GLI2: variants seen among roughly 807,000 people sequenced by gnomAD.
GLI2 encodes transcription activator GLI2.
A neutral mutation model predicts 78.9 loss-of-function variants in GLI2; 22 were observed. The observed-to-expected ratio is 0.28, with a 90% CI of 0.20 to 0.40. The LOEUF (loss-of-function observed/expected upper bound fraction) is 0.40. Among genes scored for constraint, GLI2 ranks in the 10% least tolerant of loss-of-function variants. The pLI is 1.00. For synonymous variants in GLI2, 974 were observed against 963.7 expected (o/e 1.01, Z -0.20); for missense variants, 2,097 against 2,213.2 (o/e 0.95, Z 1.05).
intron 2 of GLI2, among the ~76,000 whole-genome samples, chr2:120,899,842 G>A (rs1244295273): frequency 6.6e-6 from 1 of 152,236 alleles, no homozygotes; most frequent in Non-Finnish European, 1.5e-5. Flanking sequence ...CAAGCCAGGT[G>A]TGGACCTGCA....
intron 2 of GLI2, among the ~76,000 whole-genome samples, chr2:120,811,626 G>A (rs1320747776): frequency 6.6e-6 from 1 of 152,162 alleles, no homozygotes. Context: ...GAGAGGTGCA[G>A]TTGGAAAGGG....
At chr2:120,772,306 C>T (rs1683543590) in intron 1 of GLI2, among the ~76,000 whole-genome samples, 1 of 152,124 alleles carries the variant, frequency 6.6e-6, no homozygotes, top group African/African-American at 2.4e-5. Context: ...AGGAGCCTTC[C>T]CTCCCCATCT....
At chr2:120,932,857 C>A (rs1415350669) in intron 3 of GLI2, among the ~76,000 whole-genome samples, 1 of 152,132 alleles carries the variant, frequency 6.6e-6, no homozygotes, top group Non-Finnish European at 1.5e-5. Flanking sequence ...AGTTGACTGT[C>A]TGGGGACTGT....
intron 2 of GLI2, among the ~76,000 whole-genome samples, chr2:120,814,590 G>T (rs1284039457): frequency 6.6e-6 from 1 of 152,182 alleles, no homozygotes; most frequent in African/African-American, 2.4e-5. Flanking sequence ...ATAGCGGGAG[G>T]TGAGCAGCAG....
chr2:120,896,669 ACCC>A (rs11418226), intron 2 of GLI2, among the ~76,000 whole-genome samples: 1,637 of 141,782 alleles, frequency 0.012, 40 homozygotes, highest in African/African-American at 0.033. Context: ...ACATACACCC[ACCC>A]CCCCACACAC....
intron 1 of GLI2, among the ~76,000 whole-genome samples, chr2:120,749,836 G>C (rs1250892306): frequency 3.3e-5 from 5 of 152,346 alleles, no homozygotes; most frequent in Middle Eastern, 3.4e-3. Flanking sequence ...GGGGGGCCTT[G>C]GAGACCAAGT....
intron 2 of GLI2, among the ~76,000 whole-genome samples, chr2:120,924,922 T>C (rs1679585802): frequency 6.6e-6 from 1 of 152,244 alleles, no homozygotes. Flanking sequence ...TGTGGGCTTT[T>C]TACGTCTTCA....
At chr2:120,875,911 T>G (rs1688713035) in intron 2 of GLI2, among the ~76,000 whole-genome samples, 1 of 152,068 alleles carries the variant, frequency 6.6e-6, no homozygotes, top group South Asian at 2.1e-4. Context: ...TAGAGACAAG[T>G]ACAACTGGGG....
intron 1 of GLI2, 31 bp from the exon 2 acceptor site, chr2:120,797,260 T>A: frequency 6.4e-7 from 1 of 1,573,494 alleles, no homozygotes; most frequent in Non-Finnish European, 8.7e-7. Context: ...TTGGGCTCAG[T>A]GTTGGTGAGT....
intron 1 of GLI2, among the ~76,000 whole-genome samples, chr2:120,766,923 C>G (rs1683381912): frequency 6.6e-6 from 1 of 152,166 alleles, no homozygotes; most frequent in South Asian, 2.1e-4. Flanking sequence ...TGTCACTGGG[C>G]AGGGACCATG....
intron 3 of GLI2, among the ~76,000 whole-genome samples, chr2:120,940,471 G>A (rs1204904891): frequency 1.3e-5 from 2 of 152,140 alleles, no homozygotes; most frequent in Admixed American, 6.5e-5. Context: ...TCTTATAAGA[G>A]TCTGGGCACA....
intron 2 of GLI2, among the ~76,000 whole-genome samples, chr2:120,837,193 G>C (rs1011709037): frequency 1.3e-4 from 20 of 152,116 alleles, no homozygotes; most frequent in Non-Finnish European, 2.9e-4. Context: ...AGGAGATCGA[G>C]ACCATCCTGG....
chr2:120,966,672 G>C lies in GLI2; in HGVS notation c.644-2042G>C, dbSNP rs532144741. ...CCTCAGGGTTGCAGCCAAGCTTGGG[G>C]CTGGGCCGGGCATGGTTGCCTCGAG... On this transcript the variant is annotated intron_variant, in intron 5 of 13. Transcript: ENST00000361492. Among the ~76,000 whole-genome samples, 485 of 152,358 alleles carry C rather than the reference G, an allele frequency of 3.2e-3. 2 individuals are homozygous for C. Among genetic ancestry groups the C allele is most frequent in the African/African-American group, 0.011 (458 of 41,594 alleles).
intron 2 of GLI2, among the ~76,000 whole-genome samples, chr2:120,853,300 A>G (rs1389592903): frequency 6.6e-6 from 1 of 152,192 alleles, no homozygotes; most frequent in Admixed American, 6.5e-5. Context: ...AGTTTGATCC[A>G]GGACAGAAGC....
intron 13 of GLI2, among the ~76,000 whole-genome samples, chr2:120,987,704 C>T (rs1683044305): frequency 1.3e-5 from 2 of 152,218 alleles, no homozygotes; most frequent in Non-Finnish European, 2.9e-5. Flanking sequence ...GGAGACCAAC[C>T]TGGGCCTTCC....
At chr2:120,987,869 G>A (rs1683052152) in intron 13 of GLI2, among the ~76,000 whole-genome samples, 1 of 152,154 alleles carries the variant, frequency 6.6e-6, no homozygotes, top group South Asian at 2.1e-4. Context: ...GCTTCCCCTC[G>A]CCCACCCTTA....
chr2:120,941,091 T>C (rs928777118), intron 3 of GLI2, among the ~76,000 whole-genome samples: 6 of 152,210 alleles, frequency 3.9e-5, no homozygotes, highest in African/African-American at 1.2e-4. Context: ...CAGCAATGAA[T>C]GTCTGCAAAC....
At position 120,985,856 on chromosome 2, in the gene GLI2, A is replaced by G. The variant is rs754097977; in HGVS notation, c.1906-422A>G. On this transcript the variant is annotated intron_variant, in intron 12 of 13. Transcript: ENST00000361492. The stretch of plus-strand genomic sequence containing the variant: ...CCTGGTCATCCTTTCCCTTTCCCAC[A>G]ACCTGCCCCTGGCCTTTTGAGATCA... 4.6e-5 allele frequency among the ~76,000 whole-genome samples: 7 copies of G among 152,126 alleles called. No homozygotes were observed. In the East Asian group the frequency reaches 1.2e-3, roughly 25 times the overall value.
At chr2:120,887,221 C>A (rs983353433) in intron 2 of GLI2, among the ~76,000 whole-genome samples, 59 of 152,276 alleles carry the variant, frequency 3.9e-4, no homozygotes, top group Admixed American at 1.0e-3. Context: ...CCCACAAGAT[C>A]CCCCAGCCTG....
Sources: gnomAD v4.1 joint callset for allele counts (sites outside exome capture counted in the v4.1 genomes callset) on GRCh38, gnomAD v4.1.1 for gene constraint, MANE v1.5 for transcripts, NCBI Gene and HGNC (gene_info 2026-07-23, HGNC 2026-07-21) for gene names.